Variants in ZSWIM6 observed in about 807,000 individuals in gnomAD.
ZSWIM6 encodes zinc finger SWIM domain-containing protein 6.
ZSWIM6 carries 9 observed loss-of-function variants against 113.2 expected under a neutral mutation model. That is an observed-to-expected ratio of 0.08 (90% CI 0.05 to 0.14). The LOEUF is 0.14. Ranked by LOEUF, ZSWIM6 falls within the 10% of genes least tolerant of loss-of-function variation. The pLI is 1.00. For synonymous variants in ZSWIM6, 611 were observed against 606.5 expected (o/e 1.01, Z -0.11); for missense variants, 1,162 against 1,552.2 (o/e 0.75, Z 4.22).
At chr5:61,438,866 T>C (rs1173919998) in intron 1 of ZSWIM6, among the ~76,000 whole-genome samples, 1 of 152,212 alleles carries the variant, frequency 6.6e-6, no homozygotes, top group Non-Finnish European at 1.5e-5. Context: ...TGAGATGTGC[T>C]TTTTAATGGA....
At chr5:61,418,881 G>T (rs1453334668) in intron 1 of ZSWIM6, among the ~76,000 whole-genome samples, 1 of 152,062 alleles carries the variant, frequency 6.6e-6, no homozygotes, top group African/African-American at 2.4e-5. Flanking sequence ...GAGTGCAGTG[G>T]TGCAATCTCG....
intron 2 of ZSWIM6, among the ~76,000 whole-genome samples, chr5:61,482,353 C>T (rs1254328425): frequency 3.4e-5 from 5 of 147,034 alleles, no homozygotes; most frequent in African/African-American, 4.9e-5. Context: ...TGTTGGGGAG[C>T]GTGGGGGGTT....
At chr5:61,529,674 A>G (rs1172859604) in intron 7 of ZSWIM6, among the ~76,000 whole-genome samples, 3 of 152,216 alleles carry the variant, frequency 2.0e-5, no homozygotes, top group Non-Finnish European at 4.4e-5. Context: ...CTCCTAGGGA[A>G]GTGGGGGAGT....
chr5:61,338,509 T>G (rs1434959451), intron 1 of ZSWIM6, among the ~76,000 whole-genome samples: 1 of 152,216 alleles, frequency 6.6e-6, no homozygotes, highest in Admixed American at 6.5e-5. Flanking sequence ...GTTTGATTTA[T>G]GTAAGTGATT....
At chr5:61,438,850 T>G (rs531600409) in intron 1 of ZSWIM6, among the ~76,000 whole-genome samples, 56 of 152,262 alleles carry the variant, frequency 3.7e-4, no homozygotes, top group African/African-American at 1.3e-3. Context: ...GAACAGCAGG[T>G]TGTGCTGAGA....
At chr5:61,415,575 G>A (rs928890244) in intron 1 of ZSWIM6, among the ~76,000 whole-genome samples, 11 of 150,426 alleles carry the variant, frequency 7.3e-5, no homozygotes, top group Admixed American at 7.3e-4. Context: ...CTGGGCGACA[G>A]AGTGAGACTC....
intron 1 of ZSWIM6, among the ~76,000 whole-genome samples, chr5:61,346,756 C>T (rs1187208632): frequency 6.6e-6 from 1 of 152,128 alleles, no homozygotes; most frequent in East Asian, 1.9e-4. Context: ...ATGGATCTCC[C>T]TTAGCAACTT....
intron 1 of ZSWIM6, among the ~76,000 whole-genome samples, chr5:61,384,016 T>C (rs1423314618): frequency 2.8e-5 from 4 of 143,566 alleles, no homozygotes; most frequent in South Asian, 4.5e-4. Context: ...CCGAGGCAGG[T>C]GGATCATGAG....
chr5:61,432,465 G>A (rs1036099960), intron 1 of ZSWIM6, among the ~76,000 whole-genome samples: 5 of 152,222 alleles, frequency 3.3e-5, no homozygotes, highest in African/African-American at 4.8e-5. Context: ...AACTGAATCC[G>A]TGTTGTGGAA....
At chr5:61,371,694 A>G (rs1745265382) in intron 1 of ZSWIM6, among the ~76,000 whole-genome samples, 1 of 152,176 alleles carries the variant, frequency 6.6e-6, no homozygotes, top group South Asian at 2.1e-4. Context: ...CAATCTGTTA[A>G]GTCTTTTGCC....
chr5:61,369,676 C>A (rs1745224472), intron 1 of ZSWIM6, among the ~76,000 whole-genome samples: 1 of 152,138 alleles, frequency 6.6e-6, no homozygotes, highest in South Asian at 2.1e-4. Flanking sequence ...ACTGACGGGG[C>A]ATTAGTTTTT....
At chr5:61,372,013 T>G (rs79077029) in intron 1 of ZSWIM6, among the ~76,000 whole-genome samples, 1 of 128,888 alleles carries the variant, frequency 7.8e-6, no homozygotes, top group African/African-American at 3.4e-5. Flanking sequence ...ACAGAAGAGA[T>G]TTTTTTTTTT....
At chr5:61,379,646 T>TTTCATGA (rs2112078773) in intron 1 of ZSWIM6, among the ~76,000 whole-genome samples, 1 of 152,310 alleles carries the variant, frequency 6.6e-6, no homozygotes, top group South Asian at 2.1e-4. Context: ...GTTTTTGTCT[T>TTTCATGA]GTGATATATG....
chr5:61,338,818 T>C (rs535103004), intron 1 of ZSWIM6, among the ~76,000 whole-genome samples: 22 of 152,352 alleles, frequency 1.4e-4, no homozygotes, highest in Middle Eastern at 3.4e-3. Flanking sequence ...TTTTCCACTT[T>C]GCATTGAGTT....
chr5:61,376,749 C>G (rs1745380600), intron 1 of ZSWIM6, among the ~76,000 whole-genome samples: 1 of 140,954 alleles, frequency 7.1e-6, no homozygotes, highest in South Asian at 2.4e-4. Context: ...AAGTTTTAAC[C>G]AGTCAGGAAA....
chr5:61,467,185 A>G (rs1747453456), intron 1 of ZSWIM6, among the ~76,000 whole-genome samples: 1 of 152,234 alleles, frequency 6.6e-6, no homozygotes, highest in Admixed American at 6.5e-5. Flanking sequence ...GCTTTTGCTT[A>G]TGAGAATTAT....
chr5:61,365,663 C>T (rs1745134161), intron 1 of ZSWIM6, among the ~76,000 whole-genome samples: 1 of 152,266 alleles, frequency 6.6e-6, no homozygotes, highest in South Asian at 2.1e-4. Flanking sequence ...ATTATGTTCT[C>T]TTCTACCACT....
chr5:61,539,945 T>C (rs1457622647), intron 12 of ZSWIM6, among the ~76,000 whole-genome samples, 186 bp downstream of exon 12: 3 of 152,192 alleles, frequency 2.0e-5, no homozygotes, highest in South Asian at 2.1e-4. Flanking sequence ...CAGACTGCTA[T>C]GTAAGGTGCA....
chr5:61,482,574 T>C (rs376774794), intron 2 of ZSWIM6, among the ~76,000 whole-genome samples: 15 of 152,320 alleles, frequency 9.8e-5, no homozygotes, highest in African/African-American at 3.6e-4. Flanking sequence ...GACATTAAAT[T>C]TCCTGGTCTA....
Sources: allele counts gnomAD v4.1 joint callset (sites outside exome capture counted in the v4.1 genomes callset), GRCh38; gene constraint gnomAD v4.1.1; transcripts MANE v1.5; gene names NCBI Gene and HGNC (gene_info 2026-07-23, HGNC 2026-07-21).